Variants in ERI3 observed in about 807,000 individuals in gnomAD.
The protein encoded by ERI3 is ERI1 exoribonuclease family member 3.
ERI3 carries 18 observed loss-of-function variants against 44.4 expected under a neutral mutation model. The ratio of observed to expected loss-of-function variants is 0.41; its 90% CI spans 0.28 to 0.60. The LOEUF (loss-of-function observed/expected upper bound fraction) is 0.60. Ranked by LOEUF, ERI3 falls within the 20% of genes least tolerant of loss-of-function variation. The pLI is 0.36. For missense variants in ERI3, 294 were observed against 435.5 expected (o/e 0.68, Z 2.89); for synonymous variants, 183 against 164.8 (o/e 1.11, Z -0.84).
intron 8 of ERI3, among the ~76,000 whole-genome samples, chr1:44,229,528 TAA>T (rs1216065164): frequency 6.6e-6 from 1 of 152,004 alleles, no homozygotes; most frequent in Non-Finnish European, 1.5e-5. Flanking sequence ...TGGGATCAGA[TAA>T]AGAGGGAATT....
At chr1:44,349,597 C>T (rs1449532733) in intron 2 of ERI3, among the ~76,000 whole-genome samples, 3 of 152,168 alleles carry the variant, frequency 2.0e-5, no homozygotes, top group South Asian at 2.1e-4. Context: ...ATGTTCACAA[C>T]GACAACTGTG....
intron 2 of ERI3, among the ~76,000 whole-genome samples, chr1:44,340,462 G>GGCT (rs1191843553): frequency 6.6e-6 from 1 of 152,152 alleles, no homozygotes; most frequent in African/African-American, 2.4e-5. Context: ...TGCCTCTGAT[G>GGCT]GCTGCAAGTG....
At chr1:44,257,266 A>G (rs931453230) in intron 7 of ERI3, among the ~76,000 whole-genome samples, 3 of 152,122 alleles carry the variant, frequency 2.0e-5, no homozygotes, top group Admixed American at 6.5e-5. Flanking sequence ...ATAATTAACA[A>G]CAGGAGGTAT....
intron 2 of ERI3, among the ~76,000 whole-genome samples, chr1:44,340,423 G>A (rs1224444501): frequency 6.6e-6 from 1 of 152,030 alleles, no homozygotes; most frequent in African/African-American, 2.4e-5. Context: ...TGTGCTTTCC[G>A]AAGCCTCATT....
intron 3 of ERI3, among the ~76,000 whole-genome samples, chr1:44,336,975 G>C (rs1013237114): frequency 6.6e-6 from 1 of 152,182 alleles, no homozygotes; most frequent in African/African-American, 2.4e-5. Context: ...GGTGATACAA[G>C]CTGTTTAAAT....
chr1:44,352,850 C>G lies in ERI3; in HGVS notation c.211G>C (p.Val71Leu). 1 of 1,614,112 alleles carries G rather than the reference C, an allele frequency of 6.2e-7. No individual in the cohort carries two copies. Among genetic ancestry groups the G allele is most frequent in the Non-Finnish European group, 8.5e-7 (1 of 1,180,008 alleles). ...AGLGIFEVRRVLDASGCSMLA... is the reference protein window; with the variant it reads ...AGLGIFEVRRLLDASGCSMLA... ...CTTGACCATGCAACAGGATTCTCACCTCTCCTTACTTCGAAGATGCCAAGA... is the reference window on the plus strand; with the variant it reads ...CTTGACCATGCAACAGGATTCTCACGTCTCCTTACTTCGAAGATGCCAAGA... The change falls in exon 2 of 9, where the codon GTT (valine) becomes CTT (leucine). Residue 71 changes from valine to leucine, a missense_variant and splice_region_variant. Physicochemically the swap from Val to Leu is conservative, Grantham distance 32 (BLOSUM62 1). This residue lies in a region of ERI3 where 107 missense variants were observed against 96.9 expected (regional missense o/e 1.10). Coordinates refer to ENST00000372257, the MANE Select transcript of ERI3 (RefSeq NM_024066.3).
chr1:44,245,034 T>C (rs1292225463), intron 8 of ERI3, among the ~76,000 whole-genome samples: 5 of 152,082 alleles, frequency 3.3e-5, no homozygotes, highest in African/African-American at 9.7e-5. Context: ...CACAGTTAAT[T>C]AGCACCATGT....
Position 44,319,600 on chromosome 1 carries a change from C to T in ERI3, c.606+28G>A, listed in dbSNP as rs746796927. Reference sequence around the variant, plus strand: ...ATTCCAAAATTCCCCTCCCAGCAGCCCCTGCTGCCCACTTCCAGGGCCCTT... The same window carrying T: ...ATTCCAAAATTCCCCTCCCAGCAGCTCCTGCTGCCCACTTCCAGGGCCCTT... On this transcript the variant is annotated intron_variant, in intron 4 of 8. Transcript: ENST00000372257. The T allele has an allele frequency of 4.6e-6, 7 of 1,531,684 alleles. No individual in the cohort carries two copies. In the East Asian group the frequency reaches 1.6e-4, roughly 34 times the overall value. The allele number at this position is 1,531,684 out of a possible 1,614,324, so 94.9% of individuals were successfully genotyped here.
intron 7 of ERI3, among the ~76,000 whole-genome samples, chr1:44,251,198 G>A (rs1009465008): frequency 6.6e-6 from 1 of 152,200 alleles, no homozygotes; most frequent in African/African-American, 2.4e-5. Context: ...CTGCTACCCC[G>A]CTGCACCTGT....
intron 8 of ERI3, among the ~76,000 whole-genome samples, chr1:44,239,334 T>G (rs1403992114): frequency 6.6e-6 from 1 of 152,292 alleles, no homozygotes; most frequent in East Asian, 1.9e-4. Context: ...GACTCTGCAT[T>G]ATCTCCATCT....
Position 44,259,928 on chromosome 1 carries a change from C to T in ERI3, c.832-11890G>A, listed in dbSNP as rs199596273. On this transcript the variant is annotated intron_variant, in intron 7 of 8. Coordinates refer to ENST00000372257, the MANE Select transcript of ERI3 (RefSeq NM_024066.3). The stretch of plus-strand genomic sequence containing the variant: ...ATAGATAGATAGATAGATAGACAGA[C>T]AGACAGACAGACAGACAGACAGTAG... Among the ~76,000 whole-genome samples the T allele has an allele frequency of 1.8e-3, 231 of 129,414 alleles. 1 individual carries two copies. Among genetic ancestry groups the T allele is most frequent in the Middle Eastern group, 4.2e-3 (1 of 240 alleles). The allele number at this position is 129,414 out of a possible 152,430, so 84.9% of individuals were successfully genotyped here.
chr1:44,284,165 G>C (rs745628670), intron 7 of ERI3: 4 of 433,538 alleles, frequency 9.2e-6, no homozygotes, highest in Non-Finnish European at 1.9e-5. Flanking sequence ...TGCTAGGAAA[G>C]TACAGTTTTC....
intron 3 of ERI3, among the ~76,000 whole-genome samples, chr1:44,334,252 T>G (rs1572310371): frequency 6.6e-6 from 1 of 152,338 alleles, no homozygotes; most frequent in East Asian, 1.9e-4. Flanking sequence ...TTTCCTCACT[T>G]ACATTTGCTT....
At chr1:44,260,510 G>A (rs917332209) in intron 7 of ERI3, among the ~76,000 whole-genome samples, 2 of 152,188 alleles carry the variant, frequency 1.3e-5, no homozygotes, top group Admixed American at 6.5e-5. Flanking sequence ...TTGAAAGGAC[G>A]TGATCAGAGC....
chr1:44,344,057 G>A (rs906910771), intron 2 of ERI3, among the ~76,000 whole-genome samples: 6 of 151,876 alleles, frequency 4.0e-5, no homozygotes, highest in African/African-American at 1.5e-4. Context: ...TGGGCAACAT[G>A]GCAAAACCCC....
intron 5 of ERI3, among the ~76,000 whole-genome samples, chr1:44,311,518 A>G (rs1376325859): frequency 6.6e-6 from 1 of 152,182 alleles, no homozygotes; most frequent in African/African-American, 2.4e-5. Flanking sequence ...CCCACAAAGT[A>G]TACAGAAGTA....
At chr1:44,326,067 GGC>G (rs1373967877) in intron 3 of ERI3, among the ~76,000 whole-genome samples, 3 of 152,140 alleles carry the variant, frequency 2.0e-5, no homozygotes, top group Admixed American at 2.0e-4. Flanking sequence ...CATTTTTCAT[GGC>G]TTCCCCCTCC....
intron 3 of ERI3, chr1:44,323,063 G>T: frequency 4.3e-6 from 3 of 704,948 alleles, no homozygotes; most frequent in South Asian, 4.1e-5. Flanking sequence ...CTAGGAAGAG[G>T]TTTATTTCAG....
chr1:44,299,681 C>T (rs1645684044), intron 6 of ERI3, among the ~76,000 whole-genome samples: 1 of 152,128 alleles, frequency 6.6e-6, no homozygotes, highest in South Asian at 2.1e-4. Context: ...AGCAAATGGG[C>T]CTAGGAAGGT....
Sources: gnomAD v4.1 joint callset for allele counts (sites outside exome capture counted in the v4.1 genomes callset) on GRCh38, gnomAD v4.1.1 for gene constraint, gnomAD v4.1.1 regional missense constraint, MANE v1.5 for transcripts, NCBI Gene and HGNC (gene_info 2026-07-23, HGNC 2026-07-21) for gene names.